Variants in KSR1 observed in about 807,000 individuals in gnomAD.
KSR1 encodes kinase suppressor of ras.
Under a neutral mutation model 92.9 loss-of-function variants are expected in KSR1, and 35 were observed. That is an observed-to-expected ratio of 0.38 (90% CI 0.29 to 0.50). The LOEUF is 0.50. KSR1 is among the 20% of genes least tolerant of loss of function. The probability of loss-of-function intolerance (pLI) is 0.94; values close to 1 mark genes in which losing one functional copy is unlikely to be tolerated. For synonymous variants in KSR1, 467 were observed against 472.6 expected, an observed-to-expected ratio of 0.99 and a Z score of 0.15; for missense variants, 972 against 1,158.5, an observed-to-expected ratio of 0.84 and a Z score of 2.34.
intron 2 of KSR1, chr17:27,566,478 GT>G (rs2072075212): frequency 2.5e-6 from 1 of 399,160 alleles, no homozygotes; most frequent in East Asian, 3.6e-5. Context: ...GTGGAGCTGG[GT>G]GACAGCCAAG....
intron 1 of KSR1, among the ~76,000 whole-genome samples, chr17:27,538,183 GC>G (rs2070821052): frequency 6.6e-6 from 1 of 152,202 alleles, no homozygotes; most frequent in Non-Finnish European, 1.5e-5. Context: ...TTGGAATACT[GC>G]GGACTTAATA....
At chr17:27,519,607 C>G (rs1464527204) in intron 1 of KSR1, among the ~76,000 whole-genome samples, 2 of 152,204 alleles carry the variant, frequency 1.3e-5, no homozygotes, top group Non-Finnish European at 2.9e-5. Context: ...TGTCCCCGTT[C>G]TCTGCACAGC....
intron 10 of KSR1, among the ~76,000 whole-genome samples, chr17:27,597,816 C>A (rs1212993663): frequency 6.6e-6 from 1 of 152,202 alleles, no homozygotes; most frequent in East Asian, 1.9e-4. Flanking sequence ...TGGCCAGCAA[C>A]ACAGGGAGCT....
chr17:27,583,421 A>G (rs2072851874), intron 4 of KSR1, among the ~76,000 whole-genome samples: 1 of 152,244 alleles, frequency 6.6e-6, no homozygotes, highest in Non-Finnish European at 1.5e-5. Flanking sequence ...TTTCTTGCTC[A>G]TGCCGCCTTG....
chr17:27,500,026 T>A (rs2069120672), intron 1 of KSR1, among the ~76,000 whole-genome samples: 1 of 152,194 alleles, frequency 6.6e-6, no homozygotes, highest in East Asian at 1.9e-4. Flanking sequence ...AGTGGACTCG[T>A]GTCAGATGGG....
At position 27,507,397 on chromosome 17, in the gene KSR1, C is replaced by A. The variant is rs995130547; in HGVS notation, c.232-43171C>A. Among the ~76,000 whole-genome samples the A allele has an allele frequency of 9.2e-5, 14 of 152,032 alleles. 1 individual carries two copies. The highest frequency in any genetic ancestry group is 3.4e-4 in the African/African-American group (14 of 41,490). On this transcript the variant is annotated intron_variant, in intron 1 of 20. Transcript: ENST00000644974. ...GCAGTGAGCCAAGATCATGCCACTG[C>A]ACTCTAGCCTGGGTGTCAGAGCAAG...
At chr17:27,617,823 T>C in intron 19 of KSR1, 1 of 216,806 alleles carries the variant, frequency 4.6e-6, no homozygotes, top group South Asian at 5.8e-5. Flanking sequence ...TCACCATGCC[T>C]GGCCTCTGCC....
At chr17:27,614,277 C>T (rs1456404049) in intron 18 of KSR1, among the ~76,000 whole-genome samples, 3 of 152,216 alleles carry the variant, frequency 2.0e-5, no homozygotes, top group African/African-American at 7.2e-5. Flanking sequence ...GTAACTACTT[C>T]TGTCACTGGA....
chr17:27,532,348 G>A (rs1049522507), intron 1 of KSR1, among the ~76,000 whole-genome samples: 5 of 152,190 alleles, frequency 3.3e-5, no homozygotes, highest in African/African-American at 1.2e-4. Flanking sequence ...GGTCACCTGG[G>A]AACAGGCCGT....
Position 27,602,018 on chromosome 17 carries a change from A to T in KSR1, c.1510+617A>T, listed in dbSNP as rs997498709. ...TGTTTTCTACACTTACTATGTACCA[A>T]CCTTTTCATTCCTGCCCCTAAAGTG... On this transcript the variant is annotated intron_variant, in intron 11 of 20. Transcript: ENST00000644974. The T allele has an allele frequency of 1.0e-5, 12 of 1,163,488 alleles. No individual in the cohort carries two copies. The South Asian group carries it at 1.5e-4, about 14-fold the overall frequency. 72.1% of individuals were successfully genotyped at this position (1,163,488 alleles called of 1,614,324 possible).
intron 2 of KSR1, among the ~76,000 whole-genome samples, chr17:27,563,860 G>A (rs1210432825): frequency 6.6e-6 from 1 of 152,056 alleles, no homozygotes; most frequent in African/African-American, 2.4e-5. Flanking sequence ...CCTTGTCTAA[G>A]CTTAGAGGCC....
chr17:27,558,317 TTTTGCAGG>T (rs1205823314), intron 2 of KSR1: 2 of 151,266 alleles, frequency 1.3e-5, no homozygotes, highest in Non-Finnish European at 2.9e-5. Flanking sequence ...ATAGATATCA[TTTTGCAGG>T]TTTGCAGTCT....
chr17:27,585,709 T>C (rs773976323), intron 5 of KSR1, 48 bp downstream of exon 5: 5 of 747,072 alleles, frequency 6.7e-6, no homozygotes. Flanking sequence ...GAGTCGTGTG[T>C]GCGTTGCTGT....
Position 27,577,622 on chromosome 17 carries a change from G to T in KSR1, c.503G>T (p.Arg168Leu). The T allele has an allele frequency of 2.5e-6, 4 of 1,582,818 alleles. No individual in the cohort carries two copies. The highest frequency in any genetic ancestry group is 3.4e-6 in the Non-Finnish European group (4 of 1,169,844). Residue 168 changes from arginine (R) to leucine (L), a missense_variant, in exon 3 of 21, where the codon CGG becomes CTG. By Grantham distance (102) the Arg-to-Leu change is moderately radical. Coordinates refer to ENST00000644974, the MANE Select transcript of KSR1 (RefSeq NM_001394583.1). The surrounding 1 kb of genome is among the most constrained non-coding windows in gnomAD (Gnocchi z 4.5). Reference protein sequence around the residue: ...GRLQYALTCLRKVTGLGGEHK... With the variant: ...GRLQYALTCLLKVTGLGGEHK... ...CTGCAGTATGCCCTCACCTGCCTGC[G>T]GAAGGTGACAGGCCTGGGTACGTGG...
intron 18 of KSR1, among the ~76,000 whole-genome samples, chr17:27,614,223 T>C (rs575449416): frequency 3.1e-4 from 47 of 152,376 alleles, no homozygotes; most frequent in Admixed American, 3.1e-3. Context: ...CAAATCCTTA[T>C]TGTTAAGACT....
At chr17:27,594,907 C>A (rs927555795) in intron 9 of KSR1, among the ~76,000 whole-genome samples, 3 of 152,184 alleles carry the variant, frequency 2.0e-5, no homozygotes, top group Admixed American at 1.3e-4. Flanking sequence ...CTGTTACCCC[C>A]ATACTATACA....
At chr17:27,521,422 T>G (rs1343893205) in intron 1 of KSR1, among the ~76,000 whole-genome samples, 1 of 149,712 alleles carries the variant, frequency 6.7e-6, no homozygotes, top group Non-Finnish European at 1.5e-5. Flanking sequence ...CTTCCTGGGC[T>G]CAGGCAAGCC....
intron 5 of KSR1, chr17:27,586,103 G>A: frequency 5.4e-6 from 1 of 185,838 alleles, no homozygotes; most frequent in Non-Finnish European, 1.1e-5. Context: ...CTTCAGGAAA[G>A]GGACATTCCT....
At chr17:27,551,219 A>G (rs909993384) in intron 2 of KSR1, among the ~76,000 whole-genome samples, 8 of 152,210 alleles carry the variant, frequency 5.3e-5, no homozygotes, top group Non-Finnish European at 5.9e-5. Flanking sequence ...CTGCTACAAT[A>G]TGCTGTCTTC....
Sources: gnomAD v4.1 joint callset for allele counts (sites outside exome capture counted in the v4.1 genomes callset) on GRCh38, gnomAD v4.1.1 for gene constraint, Gnocchi (gnomAD v3.1) non-coding constraint, MANE v1.5 for transcripts, NCBI Gene and HGNC (gene_info 2026-07-23, HGNC 2026-07-21) for gene names.